The following MMP28 variants were observed in gnomAD, a reference collection of about 807,000 sequenced individuals.
The protein encoded by MMP28 is matrix metallopeptidase 28.
In MMP28, 55 loss-of-function variants were observed where a neutral mutation model predicts 60.5. That is an observed-to-expected ratio of 0.91 (90% CI 0.73 to 1.14). The LOEUF (loss-of-function observed/expected upper bound fraction) is 1.14, where lower values mean the gene tolerates loss of function less well. Ranked by LOEUF, MMP28 falls within the 50% of genes most tolerant of loss-of-function variation. MMP28 has a pLI of 0.00. For synonymous variants in MMP28, 318 were observed against 312.5 expected, an observed-to-expected ratio of 1.02 and a Z score of -0.18; for missense variants, 686 against 738.3, an observed-to-expected ratio of 0.93 and a Z score of 0.82.
intron 1 of MMP28, among the ~76,000 whole-genome samples, chr17:35,788,008 T>C (rs2086704555): frequency 1.3e-5 from 2 of 150,562 alleles, no homozygotes; most frequent in Admixed American, 6.7e-5. Context: ...TGGGCTCAAG[T>C]GATCCTTGTA....
rs2086920852 is a variant in MMP28, at chr17:35,794,860, CG to C, written c.111+406del. 3.3e-5 allele frequency among the ~76,000 whole-genome samples: 5 copies of C among 152,326 alleles called. No homozygotes were observed. The South Asian group carries it at 1.0e-3, about 32-fold the overall frequency. On this transcript the variant is annotated intron_variant, in intron 1 of 7. Transcript: ENST00000605424. The stretch of plus-strand genomic sequence containing the variant: ...GCCAGGAAGCCAGCGCTGTGTCCCG[CG>C]TCCCGGCCAGCCAGCGGTACCCTCT...
At chr17:35,764,086 G>A (rs782414267), downstream of MMP28, 5 of 1,550,326 alleles carry the variant, frequency 3.2e-6, no homozygotes, top group Non-Finnish European at 4.4e-6. Flanking sequence ...GGAAGGAGGG[G>A]TCGGAGGACG....
downstream of MMP28, among the ~76,000 whole-genome samples, chr17:35,761,420 T>A (rs1408325759): frequency 7.4e-6 from 1 of 134,278 alleles, no homozygotes; most frequent in Non-Finnish European, 1.6e-5. Context: ...CTGTTTTTTG[T>A]TTTTTTTTTT....
chr17:35,780,825 A>T (rs538513058), intron 1 of MMP28, among the ~76,000 whole-genome samples: 2 of 151,196 alleles, frequency 1.3e-5, no homozygotes, highest in African/African-American at 4.9e-5. Flanking sequence ...ACAGAGCAAG[A>T]CCCTGTCTCG....
chr17:35,763,029 G>A (rs1161785051), downstream of MMP28, among the ~76,000 whole-genome samples: 1 of 151,768 alleles, frequency 6.6e-6, no homozygotes, highest in African/African-American at 2.4e-5. Flanking sequence ...GGCTGAGGCA[G>A]GAGAATGGCG....
chr17:35,795,168 A>T, intron 1 of MMP28, 99 bp downstream of exon 1: 2 of 732,212 alleles, frequency 2.7e-6, no homozygotes, highest in Non-Finnish European at 2.0e-6. Flanking sequence ...AGGGTAACGC[A>T]GATTGTCTGC....
intron 1 of MMP28, among the ~76,000 whole-genome samples, chr17:35,792,957 G>T (rs189543631): frequency 2.0e-3 from 297 of 152,220 alleles, no homozygotes; most frequent in African/African-American, 6.6e-3. Context: ...GTTATCCATG[G>T]TTTACGTATG....
downstream of MMP28, among the ~76,000 whole-genome samples, chr17:35,765,456 T>A (rs892585382): frequency 6.6e-6 from 1 of 152,204 alleles, no homozygotes; most frequent in Non-Finnish European, 1.5e-5. Flanking sequence ...GCTGGGGAGC[T>A]GGTTCCTTCT....
intron 1 of MMP28, among the ~76,000 whole-genome samples, chr17:35,783,913 C>T (rs1465074269): frequency 2.0e-5 from 3 of 151,942 alleles, no homozygotes; most frequent in Non-Finnish European, 2.9e-5. Flanking sequence ...AGCATGTGCC[C>T]GGGACACGAG....
intron 4 of MMP28, among the ~76,000 whole-genome samples, chr17:35,771,632 A>AT (rs1323781195): frequency 3.9e-4 from 55 of 140,452 alleles, no homozygotes; most frequent in African/African-American, 1.3e-3. Context: ...TAAAAAGTAT[A>AT]ATTTTTATTT....
intron 1 of MMP28, 102 bp from the exon 2 acceptor site, chr17:35,779,425 T>C: frequency 1.0e-6 from 1 of 958,090 alleles, no homozygotes; most frequent in Non-Finnish European, 1.6e-6. Context: ...TCACCTCTTG[T>C]CTTTTGCCCA....
At chr17:35,765,416 C>A (rs2085913972), downstream of MMP28, among the ~76,000 whole-genome samples, 1 of 152,204 alleles carries the variant, frequency 6.6e-6, no homozygotes, top group Admixed American at 6.5e-5. Flanking sequence ...AAAATAAATG[C>A]TGGCATGGGT....
chr17:35,794,942 T>G (rs1158673347), intron 1 of MMP28, among the ~76,000 whole-genome samples: 1 of 152,112 alleles, frequency 6.6e-6, no homozygotes. Context: ...CGAATGAACC[T>G]CATTCTCCCC....
At chr17:35,783,291 T>C (rs543776859) in intron 1 of MMP28, among the ~76,000 whole-genome samples, 82 of 152,344 alleles carry the variant, frequency 5.4e-4, no homozygotes, top group African/African-American at 1.9e-3. Context: ...CAATAAACAA[T>C]TGATCTGGTT....
chr17:35,764,710 A>G (rs1178074513), downstream of MMP28: 5 of 1,379,880 alleles, frequency 3.6e-6, no homozygotes, highest in African/African-American at 7.7e-5. Flanking sequence ...GCCCTCTTCG[A>G]CGCATTCCGC....
chr17:35,788,157 T>C (rs1323827159), intron 1 of MMP28, among the ~76,000 whole-genome samples: 1 of 152,022 alleles, frequency 6.6e-6, no homozygotes, highest in Non-Finnish European at 1.5e-5. Context: ...CCTTCTACCT[T>C]GGCCTCCCAA....
At chr17:35,786,806 A>G (rs187094410) in intron 1 of MMP28, among the ~76,000 whole-genome samples, 1 of 152,194 alleles carries the variant, frequency 6.6e-6, no homozygotes, top group Admixed American at 6.5e-5. Context: ...AGGCAACTGT[A>G]GAGCTTTTTA....
At chr17:35,792,634 T>C (rs1036151146) in intron 1 of MMP28, among the ~76,000 whole-genome samples, 1 of 152,230 alleles carries the variant, frequency 6.6e-6, no homozygotes, top group Non-Finnish European at 1.5e-5. Context: ...TCTTTAGGAA[T>C]TGCAGCTCTG....
intron 1 of MMP28, among the ~76,000 whole-genome samples, chr17:35,789,406 T>G (rs1309254574): frequency 6.6e-6 from 1 of 152,224 alleles, no homozygotes; most frequent in Non-Finnish European, 1.5e-5. Context: ...CACACAGTTG[T>G]TTTTTATTAT....
Sources: allele counts gnomAD v4.1 joint callset (sites outside exome capture counted in the v4.1 genomes callset), GRCh38; gene constraint gnomAD v4.1.1; transcripts MANE v1.5; gene names NCBI Gene and HGNC (gene_info 2026-07-23, HGNC 2026-07-21).